MGST1: variants seen among roughly 807,000 people sequenced by gnomAD.
MGST1 encodes the protein microsomal glutathione S-transferase 1.
A neutral mutation model predicts 8.9 loss-of-function variants in MGST1; 5 were observed. That is an observed-to-expected ratio of 0.56 (90% CI 0.29 to 1.19). The LOEUF (loss-of-function observed/expected upper bound fraction) is 1.19, where lower values mean the gene tolerates loss of function less well. MGST1 is among the 50% of genes most tolerant of loss of function. The pLI is 0.08. For synonymous variants in MGST1, 54 were observed against 67.8 expected, an observed-to-expected ratio of 0.80 and a Z score of 1.00; for missense variants, 182 against 187.4, an observed-to-expected ratio of 0.97 and a Z score of 0.17.
intron 2 of MGST1, among the ~76,000 whole-genome samples, chr12:16,355,920 G>A (rs958171560): frequency 6.6e-5 from 10 of 152,164 alleles, no homozygotes; most frequent in Admixed American, 4.6e-4. Flanking sequence ...AGTCTGGTAA[G>A]TCTAAAATCA....
At chr12:16,391,310 T>G in intron 1 of MGST1, among the ~76,000 whole-genome samples, 1 of 151,752 alleles carries the variant, frequency 6.6e-6, no homozygotes. Context: ...TCCCTCCCCT[T>G]TCCCTTTCCC....
intron 4 of MGST1, among the ~76,000 whole-genome samples, chr12:16,448,947 G>A (rs74895159): frequency 1.3e-5 from 2 of 152,038 alleles, no homozygotes; most frequent in African/African-American, 4.8e-5. Context: ...GGGAAGGTTA[G>A]ATGTTTAAAA....
rs1433224086 is a variant in MGST1, at chr12:16,561,696, T to C, written n.483-27832T>C. 3.3e-5 allele frequency among the ~76,000 whole-genome samples: 5 copies of C among 152,346 alleles called. No individual in the cohort carries two copies. In the East Asian group the frequency reaches 9.6e-4, roughly 29 times the overall value. On this transcript the variant is annotated intron_variant and non_coding_transcript_variant, in intron 4 of 4. Transcript: ENST00000538857. The stretch of plus-strand genomic sequence containing the variant: ...GAAGTCTTTTCTTAAGGCATGCATA[T>C]TCATTTTCAAGTTTATAACTATTTC...
At chr12:16,453,176 T>TTTAGGAATGGGTTTTAA (rs1941143445) in intron 4 of MGST1, among the ~76,000 whole-genome samples, 2 of 151,896 alleles carry the variant, frequency 1.3e-5, no homozygotes, top group Non-Finnish European at 2.9e-5. Flanking sequence ...TCCTATGAGC[T>TTTAGGAATGGGTTTTAA]CAGTAAACCC....
chr12:16,513,986 C>T lies in MGST1; in HGVS notation n.483-75542C>T. The T allele has an allele frequency of 2.2e-6, 1 of 458,710 alleles. No homozygotes were observed. 28.4% of individuals were successfully genotyped at this position (458,710 alleles called of 1,614,324 possible). ...ACTGTGGAGGACATTTCAAAAACACCAGAGCAAAGTCTTCTTCTTCTGCAT... is the reference window on the plus strand; with the variant it reads ...ACTGTGGAGGACATTTCAAAAACACTAGAGCAAAGTCTTCTTCTTCTGCAT... On this transcript the variant is annotated intron_variant and non_coding_transcript_variant, in intron 4 of 4. Transcript: ENST00000538857. The surrounding 1 kb of genome is among the most constrained non-coding windows in gnomAD (Gnocchi z 4.2).
intron 4 of MGST1, among the ~76,000 whole-genome samples, chr12:16,541,801 G>C (rs145419657): frequency 1.6e-3 from 238 of 152,218 alleles, no homozygotes; most frequent in East Asian, 2.1e-3. Context: ...ATCAGGCTAA[G>C]TAAGAATATC....
At chr12:16,434,239 G>A (rs1040531560) in intron 1 of MGST1, among the ~76,000 whole-genome samples, 3 of 152,090 alleles carry the variant, frequency 2.0e-5, no homozygotes, top group Non-Finnish European at 2.9e-5. Context: ...AATCCTTAAT[G>A]CAGAAATTGT....
rs11056957 is a variant in MGST1 at position 16,486,529 on chromosome 12, C to G, written n.482+102925C>G. Reference sequence around the variant, plus strand: ...ATTTTATCTCAATATATTTGATAAACTAGATGAAATAAATACACTTATTAC... The same window carrying G: ...ATTTTATCTCAATATATTTGATAAAGTAGATGAAATAAATACACTTATTAC... On this transcript the variant is annotated intron_variant and non_coding_transcript_variant, in intron 4 of 4. Transcript: ENST00000538857. Among the ~76,000 whole-genome samples the G allele has an allele frequency of 3.2e-4, 49 of 152,136 alleles. No individual in the cohort carries two copies. The East Asian group carries it at 9.5e-3, about 29-fold the overall frequency.
In MGST1 at chr12:16,363,944, C is replaced by T; in HGVS notation, c.371C>T (p.Pro124Leu). ...TACCACACCATTGCATATTTGACACCCCTTCCCCAGCCAAATAGAGCTTTG... is the reference window on the plus strand; with the variant it reads ...TACCACACCATTGCATATTTGACACTCCTTCCCCAGCCAAATAGAGCTTTG... ...RIYHTIAYLT[P>L]LPQPNRALSF... Residue 124 changes from proline to leucine, a missense_variant, in exon 4 of 4, where the codon CCC becomes CTC. Physicochemically the swap from Pro to Leu is moderately conservative, Grantham distance 98. Coordinates refer to ENST00000396210, the MANE Select transcript of MGST1 (RefSeq NM_020300.5). This position sits in a 1 kb window ranked among gnomAD's most constrained non-coding sequence, Gnocchi z 4.6. 6.2e-7 allele frequency: 1 copy of T among 1,613,862 alleles called. No homozygotes were observed. Among genetic ancestry groups the T allele is most frequent in the Non-Finnish European group, 8.5e-7 (1 of 1,179,876 alleles).
rs923032009 is a variant in MGST1, at chr12:16,503,792, C to G, written n.483-85736C>G. On this transcript the variant is annotated intron_variant and non_coding_transcript_variant, in intron 4 of 4. Transcript: ENST00000538857. The surrounding 1 kb of genome is among the most constrained non-coding windows in gnomAD (Gnocchi z 4.8). The stretch of plus-strand genomic sequence containing the variant: ...ACCCAACGACCTGGAAGTTACCACC[C>G]TTTTTCTAGATATTTCTGTGTAATT... Among the ~76,000 whole-genome samples the G allele has an allele frequency of 2.0e-5, 3 of 152,124 alleles. No individual in the cohort carries two copies. Among genetic ancestry groups the G allele is most frequent in the Admixed American group, 1.3e-4 (2 of 15,274 alleles).
intron 2 of MGST1, 94 bp from the exon 3 acceptor site, chr12:16,357,511 C>A: frequency 1.1e-6 from 1 of 898,206 alleles, no homozygotes; most frequent in Non-Finnish European, 1.7e-6. Flanking sequence ...TCAAGCAATC[C>A]TGCCTCAGCC....
At chr12:16,526,789 A>G (rs181779299) in intron 4 of MGST1, among the ~76,000 whole-genome samples, 1 of 152,138 alleles carries the variant, frequency 6.6e-6, no homozygotes, top group East Asian at 1.9e-4. Context: ...GGAAGGGAGA[A>G]GCCCTGTTTT....
chr12:16,588,983 G>C (rs1284516099), intron 4 of MGST1, among the ~76,000 whole-genome samples: 1 of 151,978 alleles, frequency 6.6e-6, no homozygotes, highest in Non-Finnish European at 1.5e-5. Flanking sequence ...TTATGAATAG[G>C]ATTCCTATTT....
At chr12:16,564,896 G>C (rs941536089) in intron 4 of MGST1, among the ~76,000 whole-genome samples, 2 of 151,890 alleles carry the variant, frequency 1.3e-5, no homozygotes, top group African/African-American at 4.8e-5. Context: ...AGTGATCTTC[G>C]TGCCTCAGCT....
chr12:16,445,233 A>G (rs12830791), intron 4 of MGST1, among the ~76,000 whole-genome samples: 41,268 of 151,620 alleles, frequency 0.27, 6,871 homozygotes, highest in Non-Finnish European at 0.37. Context: ...CCAAAAGGCT[A>G]GTAGGGATTG....
chr12:16,379,722 G>T (rs1162388011), downstream of MGST1, among the ~76,000 whole-genome samples: 1 of 152,186 alleles, frequency 6.6e-6, no homozygotes, highest in Non-Finnish European at 1.5e-5. Flanking sequence ...AGAAGGAATG[G>T]TACCAGCTCC....
Position 16,547,327 on chromosome 12 carries a change from A to T in MGST1, n.483-42201A>T, listed in dbSNP as rs778644782. ...GCTCTATTGTAATCATAGCAATCTG[A>T]GGGTGACTCATTAATTAATTGATGT... On this transcript the variant is annotated intron_variant and non_coding_transcript_variant, in intron 4 of 4. Coordinates refer to the MGST1 transcript ENST00000538857. This position sits in a 1 kb window ranked among gnomAD's most constrained non-coding sequence, Gnocchi z 4.6. Among the ~76,000 whole-genome samples, 1 of 152,170 alleles carries T rather than the reference A, an allele frequency of 6.6e-6. No individual in the cohort carries two copies. The highest frequency in any genetic ancestry group is 1.5e-5 in the Non-Finnish European group (1 of 68,032).
chr12:16,396,198 A>C (rs1421937919), intron 1 of MGST1, among the ~76,000 whole-genome samples: 1 of 152,040 alleles, frequency 6.6e-6, no homozygotes, highest in African/African-American at 2.4e-5. Context: ...TGATCATCTC[A>C]ATAGATGCAG....
At chr12:16,427,431 G>A (rs1256496492) in intron 1 of MGST1, among the ~76,000 whole-genome samples, 1 of 152,204 alleles carries the variant, frequency 6.6e-6, no homozygotes, top group Non-Finnish European at 1.5e-5. Flanking sequence ...CACCCAGGCT[G>A]AAGTACAGTG....
Sources: allele counts gnomAD v4.1 joint callset (sites outside exome capture counted in the v4.1 genomes callset), GRCh38; gene constraint gnomAD v4.1.1; non-coding constraint Gnocchi (gnomAD v3.1); transcripts MANE v1.5; gene names NCBI Gene and HGNC (gene_info 2026-07-23, HGNC 2026-07-21).